Variants in GGNBP2 observed in about 807,000 individuals in gnomAD.
GGNBP2 encodes gametogenetin binding protein 2, also known as gametogenetin-binding protein 2.
In GGNBP2, 10 loss-of-function variants were observed where a neutral mutation model predicts 85.9. That is an observed-to-expected ratio of 0.12 (90% CI 0.07 to 0.20). The LOEUF is 0.20. GGNBP2 is among the 10% of genes least tolerant of loss of function. GGNBP2 has a pLI of 1.00. For missense variants in GGNBP2, 595 were observed against 857.8 expected, an observed-to-expected ratio of 0.69 and a Z score of 3.83; for synonymous variants, 287 against 285.7, an observed-to-expected ratio of 1.00 and a Z score of -0.05.
chr17:36,589,596 T>G lies in GGNBP2; in HGVS notation c.*185T>G, dbSNP rs2074738756. On this transcript the variant is annotated 3_prime_UTR_variant, in exon 14 of 14. Transcript: ENST00000613102. Reference sequence around the variant, plus strand: ...CTTTCTTCAGGCTTGTGTCTTTAGTTGCGTGGCTGCGCAGGCCTGCCATAT... The same window carrying G: ...CTTTCTTCAGGCTTGTGTCTTTAGTGGCGTGGCTGCGCAGGCCTGCCATAT... The G allele has an allele frequency of 1.7e-6, 1 of 596,328 alleles. No homozygotes were observed. The highest frequency in any genetic ancestry group is 3.0e-6 in the Non-Finnish European group (1 of 337,650). The allele number at this position is 596,328 out of a possible 1,614,324, so 36.9% of individuals were successfully genotyped here.
intron 6 of GGNBP2, among the ~76,000 whole-genome samples, chr17:36,572,784 A>G (rs1413587540): frequency 6.6e-6 from 1 of 152,182 alleles, no homozygotes; most frequent in Non-Finnish European, 1.5e-5. Context: ...TGTACAACAG[A>G]TCTCTAGAAC....
chr17:36,566,590 G>A (rs2074471221), intron 5 of GGNBP2, among the ~76,000 whole-genome samples: 1 of 151,764 alleles, frequency 6.6e-6, no homozygotes. Flanking sequence ...GAGGTAGGAG[G>A]ATCACTTGAG....
intron 12 of GGNBP2, 59 bp downstream of exon 12, chr17:36,586,257 T>C: frequency 1.3e-6 from 2 of 1,557,846 alleles, no homozygotes; most frequent in East Asian, 2.3e-5. Context: ...ACACGTGTTT[T>C]CCTTGGAGTG....
In GGNBP2 at chr17:36,585,936, C is replaced by T. The variant is rs986756588; in HGVS notation, c.1463C>T (p.Thr488Ile). 4 of 1,614,018 alleles carry T rather than the reference C, an allele frequency of 2.5e-6. No homozygotes were observed. In the East Asian group the frequency reaches 6.7e-5, roughly 27 times the overall value. ...GSREGSDVAC[T>I]EGICNHDEHG... ...CGGGAGGGTTCGGATGTTGCCTGCA[C>T]TGAAGGCATTTGTAATCATGATGAA... Residue 488 changes from threonine to isoleucine, a missense_variant, in exon 11 of 14, where the codon ACT becomes ATT. Physicochemically the swap from Thr to Ile is moderately conservative, Grantham distance 89. This residue lies in a region of GGNBP2 where 35 missense variants were observed against 49.6 expected (regional missense o/e 0.71). Coordinates refer to ENST00000613102, the MANE Select transcript of GGNBP2 (RefSeq NM_024835.5).
intron 5 of GGNBP2, among the ~76,000 whole-genome samples, chr17:36,565,800 G>C (rs2074462296): frequency 2.0e-5 from 3 of 152,180 alleles, no homozygotes; most frequent in African/African-American, 7.2e-5. Context: ...GGAGGCTGAG[G>C]CAGGAGAATC....
intron 6 of GGNBP2, among the ~76,000 whole-genome samples, chr17:36,573,529 C>A (rs1555607185): frequency 6.6e-6 from 1 of 152,172 alleles, no homozygotes; most frequent in Non-Finnish European, 1.5e-5. Flanking sequence ...GCTATCAGTT[C>A]TTTTGGATAT....
At chr17:36,569,240 C>G (rs534874368) in intron 6 of GGNBP2, among the ~76,000 whole-genome samples, 11 of 151,924 alleles carry the variant, frequency 7.2e-5, no homozygotes, top group Non-Finnish European at 1.5e-5. Context: ...GGCGAAACCC[C>G]GTGTCTACTA....
At chr17:36,579,128 A>G in intron 7 of GGNBP2, 117 bp from the exon 8 acceptor site, 1 of 779,988 alleles carries the variant, frequency 1.3e-6, no homozygotes, top group Non-Finnish European at 2.2e-6. Context: ...GTGTAAATGT[A>G]TAACTGTCTT....
intron 6 of GGNBP2, among the ~76,000 whole-genome samples, chr17:36,568,478 G>A (rs988041201): frequency 6.6e-6 from 1 of 152,000 alleles, no homozygotes; most frequent in Non-Finnish European, 1.5e-5. Flanking sequence ...TGTATTTTTA[G>A]TAGAGACGGG....
At chr17:36,545,913 AGT>A (rs2074249513) in intron 2 of GGNBP2, 96 bp downstream of exon 2, 1 of 845,978 alleles carries the variant, frequency 1.2e-6, no homozygotes, top group South Asian at 1.6e-5. Flanking sequence ...CTGGAGAAAG[AGT>A]GTGTTGCAAC....
At chr17:36,572,074 T>C (rs2074531047) in intron 6 of GGNBP2, among the ~76,000 whole-genome samples, 1 of 151,806 alleles carries the variant, frequency 6.6e-6, no homozygotes, top group South Asian at 2.1e-4. Context: ...TTTAAAAAAG[T>C]CATATGCAAT....
At chr17:36,586,351 AGTGTGGGTT>A (rs1003042516) in intron 12 of GGNBP2, 153 bp downstream of exon 12, 1 of 890,404 alleles carries the variant, frequency 1.1e-6, no homozygotes, top group African/African-American at 1.7e-5. Context: ...ATCGTGTGAG[AGTGTGGGTT>A]GGGGGCAGAG....
At chr17:36,586,596 G>A (rs2074704046) in intron 12 of GGNBP2, 1 of 256,878 alleles carries the variant, frequency 3.9e-6, no homozygotes, top group African/African-American at 2.2e-5. Flanking sequence ...CTATTACTTA[G>A]TATTCCTTCT....
intron 2 of GGNBP2, among the ~76,000 whole-genome samples, chr17:36,548,554 G>A (rs987284870): frequency 1.4e-5 from 2 of 145,818 alleles, no homozygotes; most frequent in African/African-American, 5.0e-5. Flanking sequence ...GGTGGAGGTT[G>A]CGGTGAGCCG....
chr17:36,586,055 G>A lies in GGNBP2; in HGVS notation c.1498G>A (p.Asp500Asn). 8.1e-6 allele frequency: 13 copies of A among 1,613,984 alleles called. No homozygotes were observed. Among genetic ancestry groups the A allele is most frequent in the Non-Finnish European group, 1.0e-5 (12 of 1,179,914 alleles). Residue 500 changes from aspartate to asparagine, a missense_variant, in exon 12 of 14, where the codon GAC becomes AAC. This residue lies in a region of GGNBP2 where 35 missense variants were observed against 49.6 expected (regional missense o/e 0.71). Transcript: ENST00000613102. ...GICNHDEHGD[D>N]SCVHHCEDKE... is the part of the protein sequence containing the mutation. ...AGGATTATTGATTTCTGCAGGTGAT[G>A]ACTCTTGTGTTCATCACTGTGAAGA...
At position 36,586,153 on chromosome 17, in the gene GGNBP2, TAAA is replaced by T. The variant is rs528475310; in HGVS notation, c.1599_1601del (p.Lys538del). Reference sequence around the variant, plus strand: ...AAGAGAACGACACAAAAGGAAAAAATAAAAAGAAGAAGAAGAAAAGCAAGATAC... The same window carrying T: ...AAGAGAACGACACAAAAGGAAAAAATAAGAAGAAGAAGAAAAGCAAGATAC... On this transcript the variant is annotated inframe_deletion, in exon 12 of 14. Coordinates refer to ENST00000613102, the MANE Select transcript of GGNBP2 (RefSeq NM_024835.5). The T allele has an allele frequency of 3.0e-4, 477 of 1,613,476 alleles. 1 individual carries two copies. In the African/African-American group the frequency reaches 4.1e-3, roughly 14 times the overall value.
At chr17:36,588,168 A>T (rs1358650343) in intron 13 of GGNBP2, among the ~76,000 whole-genome samples, 1 of 152,206 alleles carries the variant, frequency 6.6e-6, no homozygotes, top group African/African-American at 2.4e-5. Flanking sequence ...AGTGCGTAGT[A>T]TAGGTGGCCC....
intron 8 of GGNBP2, among the ~76,000 whole-genome samples, chr17:36,580,724 A>G (rs1015132873): frequency 1.9e-4 from 29 of 151,072 alleles, no homozygotes; most frequent in Non-Finnish European, 3.7e-4. Context: ...GTTCGAGACC[A>G]ACCTGGCCAT....
chr17:36,585,674 T>C, intron 10 of GGNBP2, 166 bp from the exon 11 acceptor site: 1 of 642,368 alleles, frequency 1.6e-6, no homozygotes. Context: ...CATATTTTCA[T>C]TATTTAATTT....
Sources: gnomAD v4.1 joint callset for allele counts (sites outside exome capture counted in the v4.1 genomes callset) on GRCh38, gnomAD v4.1.1 for gene constraint, gnomAD v4.1.1 regional missense constraint, MANE v1.5 for transcripts, NCBI Gene and HGNC (gene_info 2026-07-23, HGNC 2026-07-21) for gene names.